Variants in SLC38A6 observed in about 807,000 individuals in gnomAD.
SLC38A6 encodes solute carrier family 38 member 6.
SLC38A6 carries 73 observed loss-of-function variants against 65.0 expected under a neutral mutation model. That is an observed-to-expected ratio of 1.12 (90% confidence interval 0.93 to 1.37). The LOEUF is 1.37. SLC38A6 is among the 40% of genes most tolerant of loss of function. The pLI is 0.00. For synonymous variants in SLC38A6, 183 were observed against 178.8 expected, an observed-to-expected ratio of 1.02 and a Z score of -0.19; for missense variants, 561 against 531.1, an observed-to-expected ratio of 1.06 and a Z score of -0.55.
intron 15 of SLC38A6, among the ~76,000 whole-genome samples, chr14:61,062,897 G>A (rs1019827138): frequency 1.1e-4 from 17 of 151,944 alleles, no homozygotes; most frequent in Non-Finnish European, 1.9e-4. Context: ...CAGGCTGGTC[G>A]CAAACTCCTG....
At chr14:61,011,344 C>T (rs2039550144) in intron 3 of SLC38A6, among the ~76,000 whole-genome samples, 1 of 152,066 alleles carries the variant, frequency 6.6e-6, no homozygotes, top group South Asian at 2.1e-4. Flanking sequence ...AATTTGACTT[C>T]CTCTTTTCCT....
At chr14:60,993,393 A>G (rs1170766061) in intron 3 of SLC38A6, among the ~76,000 whole-genome samples, 5 of 152,288 alleles carry the variant, frequency 3.3e-5, no homozygotes, top group Non-Finnish European at 7.4e-5. Flanking sequence ...TTTCCCCACT[A>G]TTATAGGAAC....
intron 8 of SLC38A6, among the ~76,000 whole-genome samples, chr14:61,040,952 T>C (rs1359524497): frequency 6.6e-6 from 1 of 152,192 alleles, no homozygotes; most frequent in African/African-American, 2.4e-5. Flanking sequence ...GTGTGCAATA[T>C]ATAAATAAGT....
At chr14:61,012,663 G>A (rs2039669765) in intron 3 of SLC38A6, among the ~76,000 whole-genome samples, 1 of 152,192 alleles carries the variant, frequency 6.6e-6, no homozygotes, top group Non-Finnish European at 1.5e-5. Flanking sequence ...TTCAGGAGCA[G>A]GTTGTTCAGT....
At chr14:61,003,357 C>T (rs899416733) in intron 3 of SLC38A6, among the ~76,000 whole-genome samples, 1 of 152,086 alleles carries the variant, frequency 6.6e-6, no homozygotes, top group Non-Finnish European at 1.5e-5. Context: ...ATTATTCTAT[C>T]AAAAATACCT....
rs1386621338 is a variant in SLC38A6, at chr14:61,045,417, A to G, written c.816A>G (p.Glu272=). 6.2e-7 allele frequency: 1 copy of G among 1,608,710 alleles called. No homozygotes were observed. Among genetic ancestry groups the G allele is most frequent in the East Asian group, 2.2e-5 (1 of 44,776 alleles). Residue 272 remains glutamate (E), a synonymous_variant, in exon 11 of 16, where the codon GAA becomes GAG. Transcript: ENST00000267488. ...CCTCAATATTGCCCATATACTGTGA[A>G]CTTCAAAGGTACTGTAGAATCCTGG... ...CHTSILPIYC[E]LQSPSKKRMQ...
intron 15 of SLC38A6, among the ~76,000 whole-genome samples, chr14:61,063,594 C>G (rs1462893425): frequency 6.6e-6 from 1 of 152,154 alleles, no homozygotes; most frequent in African/African-American, 2.4e-5. Flanking sequence ...GAATTGCATG[C>G]AAAGTGCCGG....
At chr14:60,998,922 G>T (rs547859803) in intron 3 of SLC38A6, among the ~76,000 whole-genome samples, 55 of 152,348 alleles carry the variant, frequency 3.6e-4, no homozygotes, top group Admixed American at 3.3e-3. Context: ...GTTGGAGGGT[G>T]AGGGTCAGTA....
intron 6 of SLC38A6, among the ~76,000 whole-genome samples, chr14:61,032,801 C>T (rs1238291686): frequency 6.6e-6 from 1 of 151,744 alleles, no homozygotes; most frequent in Non-Finnish European, 1.5e-5. Flanking sequence ...GATAGACTTA[C>T]AGTAGGCAGT....
At chr14:60,991,654 T>C (rs1331279785) in intron 3 of SLC38A6, among the ~76,000 whole-genome samples, 1 of 152,228 alleles carries the variant, frequency 6.6e-6, no homozygotes, top group Non-Finnish European at 1.5e-5. Context: ...GTTTCCCACA[T>C]GACTTTGCTC....
chr14:60,999,183 AAG>A (rs1270704820), intron 3 of SLC38A6, among the ~76,000 whole-genome samples: 2 of 152,210 alleles, frequency 1.3e-5, no homozygotes, highest in Non-Finnish European at 2.9e-5. Context: ...GTTGTTGAAA[AAG>A]AGTCAAAGTA....
chr14:60,984,693 T>C, intron 2 of SLC38A6, 37 bp from the exon 3 acceptor site: 1 of 1,602,508 alleles, frequency 6.2e-7, no homozygotes, highest in Non-Finnish European at 8.5e-7. Context: ...AGACAAACTT[T>C]TGGGAGGTTT....
chr14:61,005,407 T>A (rs1304654872), intron 3 of SLC38A6, among the ~76,000 whole-genome samples: 1 of 129,190 alleles, frequency 7.7e-6, no homozygotes, highest in East Asian at 2.2e-4. Context: ...TGTTTGCAGA[T>A]GACATGATTG....
chr14:60,981,434 A>G, intron 1 of SLC38A6, 52 bp downstream of exon 1: 1 of 1,550,578 alleles, frequency 6.4e-7, no homozygotes, highest in African/African-American at 1.4e-5. Context: ...GCTTCCCTCA[A>G]GTGCCTGCCA....
chr14:61,054,074 C>T (rs1161400409), downstream of SLC38A6, among the ~76,000 whole-genome samples: 1 of 152,016 alleles, frequency 6.6e-6, no homozygotes, highest in Non-Finnish European at 1.5e-5. Flanking sequence ...AAGGGTACAG[C>T]TTCAATCTTC....
At chr14:61,006,283 C>G (rs1326193282) in intron 3 of SLC38A6, among the ~76,000 whole-genome samples, 2 of 152,192 alleles carry the variant, frequency 1.3e-5, no homozygotes, top group South Asian at 4.1e-4. Context: ...GACTTCGTGT[C>G]TAAAACATCA....
chr14:61,051,644 T>A (rs2042512541), intron 13 of SLC38A6, 143 bp from the exon 14 acceptor site: 8 of 806,644 alleles, frequency 9.9e-6, no homozygotes, highest in Non-Finnish European at 1.4e-5. Context: ...ATAAATACTT[T>A]ATAATAATAG....
chr14:60,984,203 G>T (rs1406435848), intron 2 of SLC38A6, among the ~76,000 whole-genome samples: 1 of 152,032 alleles, frequency 6.6e-6, no homozygotes, highest in African/African-American at 2.4e-5. Context: ...TTTTAATTTA[G>T]TTTGGTTTGG....
intron 4 of SLC38A6, 34 bp downstream of exon 4, chr14:61,015,990 C>G: frequency 6.5e-7 from 1 of 1,536,454 alleles, no homozygotes; most frequent in Non-Finnish European, 8.9e-7. Context: ...TGTCCAAAAC[C>G]CAAAGTGGCA....
Sources: allele counts gnomAD v4.1 joint callset (sites outside exome capture counted in the v4.1 genomes callset), GRCh38; gene constraint gnomAD v4.1.1; transcripts MANE v1.5; gene names NCBI Gene and HGNC (gene_info 2026-07-23, HGNC 2026-07-21).